The following DIS3 variants were observed in gnomAD, a reference collection of about 807,000 sequenced individuals.
DIS3 encodes the protein exosome complex exonuclease RRP44.
In DIS3, 103 loss-of-function variants were observed where a neutral mutation model predicts 113.0. The observed-to-expected ratio is 0.91, with a 90% CI of 0.78 to 1.07. The LOEUF (loss-of-function observed/expected upper bound fraction) is 1.07. DIS3 is among the 50% of genes least tolerant of loss of function. DIS3 has a pLI of 0.00. For missense variants in DIS3, 1,121 were observed against 1,167.1 expected (o/e 0.96, Z 0.58); for synonymous variants, 402 against 394.3 (o/e 1.02, Z -0.23).
Position 72,771,967 on chromosome 13 carries a change from A to C in DIS3, c.1504-71T>G, listed in dbSNP as rs146981276. 2.8e-3 allele frequency: 4,266 copies of C among 1,514,468 alleles called. 167 individuals are homozygous for C. The Admixed American group carries it at 0.071, about 25-fold the overall frequency. The allele number at this position is 1,514,468 out of a possible 1,614,324, so 93.8% of individuals were successfully genotyped here. On this transcript the variant is annotated intron_variant, in intron 10 of 20. Coordinates refer to ENST00000377767, the MANE Select transcript of DIS3 (RefSeq NM_014953.5). ...AAATGTACCTAATGGAGTTTTAATA[A>C]GATAAAGTTTAGCTAAATTTAAAAA...
chr13:72,762,080 C>T lies in DIS3; in HGVS notation c.2185G>A (p.Glu729Lys), dbSNP rs755761632. The T allele has an allele frequency of 1.4e-5, 22 of 1,614,014 alleles. No homozygotes were observed. Among genetic ancestry groups the T allele is most frequent in the South Asian group, 7.7e-5 (7 of 91,072 alleles). The change falls in exon 17 of 21, where the codon GAA (glutamate) becomes AAA (lysine). Residue 729 changes from glutamate to lysine, a missense_variant. Around this residue, in one of 3 missense-constraint regions of DIS3, gnomAD observed 861 missense variants for 915.5 expected, o/e 0.94. Coordinates refer to ENST00000377767, the MANE Select transcript of DIS3 (RefSeq NM_014953.5). Reference sequence around the variant, plus strand: ...TTTAGATATGGAAAAGTAGGAGATTCGGCCTGATCCAAAGACTCAGCCAAA... The same window carrying T: ...TTTAGATATGGAAAAGTAGGAGATTTGGCCTGATCCAAAGACTCAGCCAAA... ...KSLAESLDQA[E>K]SPTFPYLNTL...
chr13:72,776,827 T>A (rs1593851139), intron 4 of DIS3, among the ~76,000 whole-genome samples: 1 of 152,302 alleles, frequency 6.6e-6, no homozygotes, highest in African/African-American at 2.4e-5. Flanking sequence ...CTTTCCTGGA[T>A]AAAATGCTTA....
intron 8 of DIS3, 68 bp from the exon 9 acceptor site, chr13:72,772,907 C>A (rs1478681306): frequency 6.8e-7 from 1 of 1,475,210 alleles, no homozygotes; most frequent in Non-Finnish European, 9.1e-7. Context: ...ATATTAAATT[C>A]TTCAGCATTT....
intron 10 of DIS3, 106 bp from the exon 11 acceptor site, chr13:72,772,002 C>A: frequency 7.6e-7 from 1 of 1,324,112 alleles, no homozygotes; most frequent in South Asian, 1.4e-5. Flanking sequence ...AAGACTCAGT[C>A]ACCTCTACCA....
At chr13:72,759,960 C>G in intron 20 of DIS3, 82 bp from the exon 21 acceptor site, 1 of 1,118,702 alleles carries the variant, frequency 8.9e-7, no homozygotes, top group Non-Finnish European at 1.3e-6. Context: ...TCCCCACTGC[C>G]AGCTTCAAAT....
chr13:72,772,024 G>T, intron 10 of DIS3, 128 bp from the exon 11 acceptor site: 1 of 1,227,980 alleles, frequency 8.1e-7, no homozygotes, highest in South Asian at 1.4e-5. Flanking sequence ...TTCAACTTCT[G>T]ACATATGGCC....
chr13:72,772,409 T>G, intron 9 of DIS3, 134 bp from the exon 10 acceptor site: 1 of 747,410 alleles, frequency 1.3e-6, no homozygotes, highest in Non-Finnish European at 2.1e-6. Context: ...ACCACATTTC[T>G]TTTTCCTGCA....
chr13:72,753,283 TA>T lies in DIS3; in HGVS notation c.*6511del, dbSNP rs1262110075. 1 of 156,392 alleles carries T rather than the reference TA, an allele frequency of 6.4e-6. No homozygotes were observed. Among genetic ancestry groups the T allele is most frequent in the East Asian group, 1.9e-4 (1 of 5,346 alleles). 9.7% of individuals were successfully genotyped at this position (156,392 alleles called of 1,614,324 possible). A position where few individuals can be genotyped will look rare whatever the true frequency, so the allele number is the denominator to read the frequency against. On this transcript the variant is annotated 3_prime_UTR_variant, in exon 21 of 21. Coordinates refer to ENST00000377767, the MANE Select transcript of DIS3 (RefSeq NM_014953.5). ...TGGCATTATTGTGAACAACTAGGTGTAAATATAATATAATCCACTTTTTTAA... is the reference window on the plus strand; with the variant it reads ...TGGCATTATTGTGAACAACTAGGTGTAATATAATATAATCCACTTTTTTAA...
intron 1 of DIS3, 168 bp from the exon 2 acceptor site, chr13:72,781,171 C>A: frequency 3.6e-6 from 5 of 1,385,688 alleles, no homozygotes; most frequent in Non-Finnish European, 4.0e-6. Flanking sequence ...GTCACTAAAC[C>A]CTTCAGATCT....
At chr13:72,776,469 C>T (rs1204266224) in intron 4 of DIS3, among the ~76,000 whole-genome samples, 3 of 152,088 alleles carry the variant, frequency 2.0e-5, no homozygotes, top group African/African-American at 4.8e-5. Context: ...CAACTTTTAT[C>T]TTCTCATTTC....
chr13:72,752,511 C>G lies in DIS3; in HGVS notation c.*7284G>C, dbSNP rs113502506. The G allele has an allele frequency of 6.6e-6, 1 of 152,194 alleles. No individual in the cohort carries two copies. Among genetic ancestry groups the G allele is most frequent in the East Asian group, 1.9e-4 (1 of 5,196 alleles). 9.4% of individuals were successfully genotyped at this position (152,194 alleles called of 1,614,324 possible). On this transcript the variant is annotated 3_prime_UTR_variant, in exon 21 of 21. Transcript: ENST00000377767. ...GAGTAACTCTTCCCTCCATATATAT[C>G]CAGTTACATATTAGTATTGCATTAT...
In DIS3 at chr13:72,756,769, A is replaced by G. The variant is rs1206904388; in HGVS notation, c.*3026T>C. On this transcript the variant is annotated 3_prime_UTR_variant, in exon 21 of 21. Coordinates refer to ENST00000377767, the MANE Select transcript of DIS3 (RefSeq NM_014953.5). ...ATTTTCATCCTGCCGCCCTGTGAAA[A>G]AGGTGCCTGCTTCTCCTTTTTCTGC... is the stretch of plus-strand genomic sequence containing the variant. The G allele has an allele frequency of 2.6e-5, 4 of 152,208 alleles. No individual in the cohort carries two copies. The highest frequency in any genetic ancestry group is 5.9e-5 in the Non-Finnish European group (4 of 68,098). 9.4% of individuals were successfully genotyped at this position (152,208 alleles called of 1,614,324 possible). A position where few individuals can be genotyped will look rare whatever the true frequency, so the allele number is the denominator to read the frequency against.
rs200924053 is a variant in DIS3, at chr13:72,775,288, C to T, written c.910G>A (p.Ala304Thr). The T allele has an allele frequency of 6.2e-7, 1 of 1,613,796 alleles. No individual in the cohort carries two copies. The highest frequency in any genetic ancestry group is 2.2e-5 in the East Asian group (1 of 44,854). The change falls in exon 6 of 21, where the codon GCA (alanine) becomes ACA (threonine). Residue 304 changes from alanine to threonine, a missense_variant. By Grantham distance (58) the Ala-to-Thr change is moderately conservative. This residue lies in a region of DIS3 where 861 missense variants were observed against 915.5 expected (regional missense o/e 0.94). Transcript: ENST00000377767. ...VELLPKSQWV[A>T]PSSVVLHDEG... ...TCATGTAAAACCACAGAAGATGGTG[C>T]TACCCACTGACTCTTGGGGAGAAGC...
chr13:72,777,391 T>C (rs1409268801), intron 4 of DIS3, 29 bp downstream of exon 4: 1 of 1,607,776 alleles, frequency 6.2e-7, no homozygotes, highest in Non-Finnish European at 8.5e-7. Flanking sequence ...TTAATATTTT[T>C]ACTTTTCAAA....
chr13:72,762,484 A>G (rs1328922843), intron 16 of DIS3, among the ~76,000 whole-genome samples: 1 of 152,190 alleles, frequency 6.6e-6, no homozygotes, highest in South Asian at 2.1e-4. Context: ...TTCAATTCCT[A>G]TGAATCTGGA....
At chr13:72,772,072 T>A (rs1369092342) in intron 10 of DIS3, 87 bp downstream of exon 10, 1 of 1,306,898 alleles carries the variant, frequency 7.7e-7, no homozygotes. Context: ...ACAAGAGTAA[T>A]TAACAAGCAA....
chr13:72,781,320 C>G, intron 1 of DIS3: 1 of 1,551,192 alleles, frequency 6.4e-7, no homozygotes, highest in Non-Finnish European at 8.7e-7. Flanking sequence ...CTGGAGGCCA[C>G]AGAAGCCCAG....
chr13:72,772,947 C>T (rs2033922644), intron 8 of DIS3, 108 bp from the exon 9 acceptor site: 1 of 1,243,556 alleles, frequency 8.0e-7, no homozygotes, highest in Non-Finnish European at 1.1e-6. Flanking sequence ...CTAAATATTC[C>T]CATAACGATT....
intron 14 of DIS3, among the ~76,000 whole-genome samples, chr13:72,766,545 A>G (rs2033755784): frequency 6.6e-6 from 1 of 152,240 alleles, no homozygotes; most frequent in South Asian, 2.1e-4. Context: ...AGACTGAACC[A>G]AAAGAGAAGC....
Sources: allele counts gnomAD v4.1 joint callset (sites outside exome capture counted in the v4.1 genomes callset), GRCh38; gene constraint gnomAD v4.1.1; regional missense constraint gnomAD v4.1.1; transcripts MANE v1.5; gene names NCBI Gene and HGNC (gene_info 2026-07-23, HGNC 2026-07-21).